PTPRG: variants seen among roughly 807,000 people sequenced by gnomAD.
PTPRG encodes the protein protein tyrosine phosphatase receptor type G, also known as receptor-type tyrosine-protein phosphatase gamma.
In PTPRG, 102 loss-of-function variants were observed where a neutral mutation model predicts 165.3. That is an observed-to-expected ratio of 0.62 (90% CI 0.53 to 0.73). The LOEUF is 0.73. PTPRG is among the 30% of genes least tolerant of loss of function. PTPRG has a pLI of 0.00. For missense variants in PTPRG, 1,866 were observed against 1,861.4 expected (o/e 1.00, Z -0.05); for synonymous variants, 675 against 669.5 (o/e 1.01, Z -0.13).
At chr3:61,829,144 T>C (rs1422889479) in intron 2 of PTPRG, among the ~76,000 whole-genome samples, 1 of 152,184 alleles carries the variant, frequency 6.6e-6, no homozygotes, top group Non-Finnish European at 1.5e-5. Context: ...ATACTCAGTA[T>C]TTGTTCCGAC....
chr3:61,735,420 C>CT (rs529923804), intron 1 of PTPRG, among the ~76,000 whole-genome samples: 33 of 152,254 alleles, frequency 2.2e-4, no homozygotes, highest in Non-Finnish European at 4.0e-4. Context: ...GGAAGCAAAT[C>CT]TAACACCTAA....
At chr3:61,974,090 A>G (rs1006653061) in intron 2 of PTPRG, among the ~76,000 whole-genome samples, 2 of 152,160 alleles carry the variant, frequency 1.3e-5, no homozygotes, top group East Asian at 3.9e-4. Flanking sequence ...CCAGTAAACA[A>G]GTTACTGTGA....
intron 2 of PTPRG, among the ~76,000 whole-genome samples, chr3:61,761,158 T>G (rs1254516556): frequency 6.6e-6 from 1 of 152,190 alleles, no homozygotes; most frequent in Non-Finnish European, 1.5e-5. Flanking sequence ...TGATTCTAGG[T>G]CTTTGAGGAA....
chr3:62,039,631 G>A (rs554795324), intron 4 of PTPRG, among the ~76,000 whole-genome samples: 17 of 152,228 alleles, frequency 1.1e-4, no homozygotes, highest in Non-Finnish European at 2.1e-4. Context: ...TTACCATCCC[G>A]AGAAGTTAAT....
intron 4 of PTPRG, among the ~76,000 whole-genome samples, chr3:62,048,091 G>C (rs569480648): frequency 6.6e-6 from 1 of 152,158 alleles, no homozygotes; most frequent in Non-Finnish European, 1.5e-5. Flanking sequence ...AGCTACCTCT[G>C]AGTGTTTCGT....
chr3:62,167,932 T>G, intron 7 of PTPRG, 39 bp from the exon 8 acceptor site: 1 of 1,391,580 alleles, frequency 7.2e-7, no homozygotes, highest in Non-Finnish European at 9.7e-7. Flanking sequence ...TTTTGTGTTG[T>G]TTTTTTTTTC....
chr3:61,816,070 A>C (rs2035753772), intron 2 of PTPRG, among the ~76,000 whole-genome samples: 1 of 152,196 alleles, frequency 6.6e-6, no homozygotes, highest in South Asian at 2.1e-4. Context: ...GTTTGTTATG[A>C]AATCTGTAAC....
intron 2 of PTPRG, among the ~76,000 whole-genome samples, chr3:61,855,793 C>A (rs1430444353): frequency 1.3e-5 from 2 of 151,550 alleles, no homozygotes; most frequent in African/African-American, 2.4e-5. Context: ...GAGGTGTAAG[C>A]CTGAGGTAGT....
At chr3:62,041,905 C>T (rs1229180549) in intron 4 of PTPRG, among the ~76,000 whole-genome samples, 1 of 152,138 alleles carries the variant, frequency 6.6e-6, no homozygotes, top group African/African-American at 2.4e-5. Flanking sequence ...GTGCTGAGTG[C>T]TGTGCCTGCA....
chr3:61,904,833 C>T (rs2038600027), intron 2 of PTPRG, among the ~76,000 whole-genome samples: 1 of 151,938 alleles, frequency 6.6e-6, no homozygotes, highest in Admixed American at 6.6e-5. Context: ...TAATTTTACC[C>T]TGGGTTTTCA....
At chr3:62,157,648 GC>G (rs775514114) in intron 7 of PTPRG, among the ~76,000 whole-genome samples, 5 of 152,104 alleles carry the variant, frequency 3.3e-5, no homozygotes, top group Non-Finnish European at 7.4e-5. Flanking sequence ...AAGGTGCTGT[GC>G]ATACCCCCAT....
intron 1 of PTPRG, among the ~76,000 whole-genome samples, chr3:61,620,554 G>A (rs980810697): frequency 2.6e-5 from 4 of 151,972 alleles, no homozygotes; most frequent in Admixed American, 6.6e-5. Flanking sequence ...TTTGTTCCTC[G>A]TCCGGTGAAT....
intron 6 of PTPRG, 67 bp downstream of exon 6, chr3:62,132,735 C>T (rs1427939868): frequency 4.3e-6 from 6 of 1,391,872 alleles, no homozygotes; most frequent in Admixed American, 3.4e-5. Context: ...CTAAAAGAAT[C>T]AGGTTATCTT....
intron 1 of PTPRG, among the ~76,000 whole-genome samples, chr3:61,656,239 A>T (rs1559543056): frequency 1.3e-5 from 2 of 152,142 alleles, no homozygotes; most frequent in Non-Finnish European, 2.9e-5. Context: ...CTCTTAAAAA[A>T]ATAAATAAAT....
At chr3:61,745,030 A>G (rs956006713) in intron 1 of PTPRG, among the ~76,000 whole-genome samples, 2 of 139,930 alleles carry the variant, frequency 1.4e-5, no homozygotes, top group Admixed American at 7.1e-5. Context: ...TTGATCTTTC[A>G]TGTGTTCATT....
chr3:62,187,803 A>C (rs1302237879), intron 8 of PTPRG, among the ~76,000 whole-genome samples: 1 of 152,138 alleles, frequency 6.6e-6, no homozygotes, highest in Admixed American at 6.6e-5. Flanking sequence ...TGCTCTTCCT[A>C]TAGCTCCTCA....
At chr3:62,238,130 C>G (rs1701073464) in intron 14 of PTPRG, among the ~76,000 whole-genome samples, 1 of 152,180 alleles carries the variant, frequency 6.6e-6, no homozygotes. Context: ...TTCGGTGAGG[C>G]AAAATGCTTA....
chr3:61,943,679 C>T (rs1008777236), intron 2 of PTPRG, among the ~76,000 whole-genome samples: 1 of 152,208 alleles, frequency 6.6e-6, no homozygotes, highest in Non-Finnish European at 1.5e-5. Flanking sequence ...GAGCTTTTAT[C>T]ATGTTAATGA....
intron 2 of PTPRG, among the ~76,000 whole-genome samples, chr3:61,767,330 C>T (rs1033269521): frequency 7.0e-6 from 1 of 143,664 alleles, no homozygotes; most frequent in Non-Finnish European, 1.5e-5. Context: ...TTTTCTTTTA[C>T]TCTCATTTTG....
Sources: allele counts gnomAD v4.1 joint callset (sites outside exome capture counted in the v4.1 genomes callset), GRCh38; gene constraint gnomAD v4.1.1; transcripts MANE v1.5; gene names NCBI Gene and HGNC (gene_info 2026-07-23, HGNC 2026-07-21).